SRRM3: variants seen among roughly 807,000 people sequenced by gnomAD.
SRRM3 encodes the protein serine/arginine repetitive matrix protein 3.
SRRM3 carries 27 observed loss-of-function variants against 66.2 expected under a neutral mutation model. That is an observed-to-expected ratio of 0.41 (90% CI 0.30 to 0.56). The LOEUF (loss-of-function observed/expected upper bound fraction) is 0.56, where lower values mean the gene tolerates loss of function less well. Ranked by LOEUF, SRRM3 falls within the 20% of genes least tolerant of loss-of-function variation. The pLI is 0.32. For missense variants in SRRM3, 918 were observed against 991.9 expected, an observed-to-expected ratio of 0.93 and a Z score of 1.00; for synonymous variants, 391 against 414.9, an observed-to-expected ratio of 0.94 and a Z score of 0.70.
chr7:76,222,810 C>A (rs1563611605), intron 1 of SRRM3, among the ~76,000 whole-genome samples: 1 of 151,744 alleles, frequency 6.6e-6, no homozygotes. Flanking sequence ...TTAGTGGAGA[C>A]AGGCCAGGCT....
chr7:76,238,863 TG>T (rs1801212157), intron 2 of SRRM3, among the ~76,000 whole-genome samples: 1 of 151,972 alleles, frequency 6.6e-6, no homozygotes, highest in African/African-American at 2.4e-5. Flanking sequence ...GGTTTCACCA[TG>T]TTGGCCAGGC....
chr7:76,270,155 G>A (rs1802175695), intron 11 of SRRM3, among the ~76,000 whole-genome samples: 1 of 152,196 alleles, frequency 6.6e-6, no homozygotes, highest in Admixed American at 6.5e-5. Context: ...GAGACCCAGG[G>A]AGGGGAAGAG....
intron 1 of SRRM3, among the ~76,000 whole-genome samples, chr7:76,207,114 C>G (rs1389768975): frequency 6.6e-6 from 1 of 150,746 alleles, no homozygotes; most frequent in East Asian, 2.0e-4. Context: ...GGCGGCATAG[C>G]AAGACCTCGG....
chr7:76,203,351 T>C (rs1399142448), intron 1 of SRRM3, among the ~76,000 whole-genome samples: 3 of 152,228 alleles, frequency 2.0e-5, no homozygotes, highest in Non-Finnish European at 4.4e-5. Flanking sequence ...ATCTAGGTTA[T>C]GTGACCTCAG....
chr7:76,265,609 G>C (rs1342077600), intron 10 of SRRM3, 141 bp downstream of exon 10: 3 of 647,448 alleles, frequency 4.6e-6, no homozygotes, highest in Non-Finnish European at 7.4e-6. Flanking sequence ...GTAGCCAGGT[G>C]TGGTGGCTCA....
At chr7:76,275,487 C>T (rs1802322553) in intron 11 of SRRM3, among the ~76,000 whole-genome samples, 1 of 147,412 alleles carries the variant, frequency 6.8e-6, no homozygotes. Context: ...AGACTCAGTC[C>T]CTGCTCCCTC....
Position 76,235,039 on chromosome 7 carries a change from C to G in SRRM3, c.-28C>G. ...TGTCTGTCCCTCAGGGCCAGCGGCC[C>G]AGGCCAGCGGCTCCAGGGCCAGCCA... On this transcript the variant is annotated 5_prime_UTR_variant, in exon 2 of 15. Coordinates refer to ENST00000611745, the MANE Select transcript of SRRM3 (RefSeq NM_001110199.3). 1 of 1,534,640 alleles carries G rather than the reference C, an allele frequency of 6.5e-7. No homozygotes were observed. The highest frequency in any genetic ancestry group is 1.2e-5 in the South Asian group (1 of 82,576).
chr7:76,282,685 A>T lies in SRRM3; in HGVS notation c.1408A>T (p.Thr470Ser). 2.1e-6 allele frequency: 3 copies of T among 1,419,634 alleles called. No homozygotes were observed. Among genetic ancestry groups the T allele is most frequent in the Non-Finnish European group, 2.7e-6 (3 of 1,093,892 alleles). The allele number at this position is 1,419,634 out of a possible 1,614,324, so 87.9% of individuals were successfully genotyped here. ...GCCCCCGCGCGCGCGGCCCGCCAGC[A>T]CCTCTCCGTCCCCGGGCGCGCACGG... ...ERPPRARPAS[T>S]SPSPGAHGRR... is the part of the protein sequence containing the mutation. Residue 470 changes from threonine (T) to serine (S), a missense_variant, in exon 13 of 15, where the codon ACC (threonine) becomes TCC (serine). Thr to Ser is a moderately conservative substitution (Grantham distance 58). Transcript: ENST00000611745.
intron 1 of SRRM3, among the ~76,000 whole-genome samples, chr7:76,225,478 C>G (rs550044175): frequency 6.6e-6 from 1 of 151,792 alleles, no homozygotes; most frequent in African/African-American, 2.4e-5. Context: ...CCCCGCCCCC[C>G]CCGCCCCTTT....
intron 14 of SRRM3, chr7:76,283,401 G>C: frequency 1.8e-6 from 1 of 544,242 alleles, no homozygotes; most frequent in Admixed American, 2.6e-5. Context: ...ACTTGGGTCT[G>C]GGTGGGCCGC....
intron 1 of SRRM3, among the ~76,000 whole-genome samples, chr7:76,224,883 A>G (rs1800817673): frequency 6.6e-6 from 1 of 152,158 alleles, no homozygotes; most frequent in Non-Finnish European, 1.5e-5. Flanking sequence ...AGTAAAAAGC[A>G]CACATCAAAG....
intron 11 of SRRM3, among the ~76,000 whole-genome samples, chr7:76,271,510 G>A (rs1802212815): frequency 6.6e-6 from 1 of 151,928 alleles, no homozygotes; most frequent in African/African-American, 2.4e-5. Context: ...TGGGCATGGT[G>A]GAATACACCT....
rs1554612577 is a variant in SRRM3, at chr7:76,285,287, C to A, written c.1734-328C>A. The stretch of plus-strand genomic sequence containing the variant: ...TTATGTTGGCCAGACTGGTCTCAAA[C>A]TTCTGACCTCAAGTGATCCGCCCGC... On this transcript the variant is annotated intron_variant, in intron 14 of 14. Transcript: ENST00000611745. The surrounding 1 kb of genome is among the most constrained non-coding windows in gnomAD (Gnocchi z 4.1). 3.2e-6 allele frequency: 1 copy of A among 311,354 alleles called. No individual in the cohort carries two copies. Among genetic ancestry groups the A allele is most frequent in the South Asian group, 3.7e-5 (1 of 27,104 alleles). 19.3% of individuals were successfully genotyped at this position (311,354 alleles called of 1,614,324 possible). A position where few individuals can be genotyped will look rare whatever the true frequency, so the allele number is the denominator to read the frequency against.
intron 2 of SRRM3, among the ~76,000 whole-genome samples, chr7:76,240,637 A>T (rs943802928): frequency 2.3e-4 from 33 of 142,522 alleles, no homozygotes; most frequent in African/African-American, 9.1e-4. Flanking sequence ...AAAAAAAAAA[A>T]CATTTTTCAC....
At chr7:76,221,927 C>A (rs76462048) in intron 1 of SRRM3, among the ~76,000 whole-genome samples, 2 of 152,318 alleles carry the variant, frequency 1.3e-5, no homozygotes, top group South Asian at 4.1e-4. Context: ...ACTGTACACA[C>A]GTTATTCCTT....
At chr7:76,222,704 C>T (rs1169993237) in intron 1 of SRRM3, among the ~76,000 whole-genome samples, 3 of 152,002 alleles carry the variant, frequency 2.0e-5, no homozygotes, top group African/African-American at 7.3e-5. Context: ...TCACTGAAAC[C>T]TCTGCCTCCT....
chr7:76,268,004 T>C (rs1802118979), intron 11 of SRRM3: 1 of 137,478 alleles, frequency 7.3e-6, no homozygotes, highest in Non-Finnish European at 1.6e-5. Flanking sequence ...CTAAAGTCCC[T>C]GCTCTGAGGA....
At chr7:76,250,342 C>T (rs1801545732) in intron 3 of SRRM3, among the ~76,000 whole-genome samples, 1 of 152,200 alleles carries the variant, frequency 6.6e-6, no homozygotes. Flanking sequence ...AGCAATTCTC[C>T]TGCCTCAGCC....
At chr7:76,222,586 C>T (rs562291570) in intron 1 of SRRM3, among the ~76,000 whole-genome samples, 1 of 151,734 alleles carries the variant, frequency 6.6e-6, no homozygotes, top group East Asian at 1.9e-4. Context: ...GCTTAGTGGG[C>T]TCAGCAAGAC....
Sources: gnomAD v4.1 joint callset for allele counts (sites outside exome capture counted in the v4.1 genomes callset) on GRCh38, gnomAD v4.1.1 for gene constraint, Gnocchi (gnomAD v3.1) non-coding constraint, MANE v1.5 for transcripts, NCBI Gene and HGNC (gene_info 2026-07-23, HGNC 2026-07-21) for gene names.